The following NBAS variants were observed in gnomAD, a reference collection of about 807,000 sequenced individuals.
NBAS encodes the protein NAG/BC035112 fusion.
NBAS carries 219 observed loss-of-function variants against 302.5 expected under a neutral mutation model. That is an observed-to-expected ratio of 0.72 (90% CI 0.65 to 0.81). The LOEUF (loss-of-function observed/expected upper bound fraction) is 0.81. NBAS is among the 30% of genes least tolerant of loss of function. The pLI, the probability that NBAS is intolerant of heterozygous loss-of-function variation, is 0.00. For missense variants in NBAS, 2,932 were observed against 2,841.6 expected (o/e 1.03, Z -0.72); for synonymous variants, 1,118 against 1,021.6 (o/e 1.09, Z -1.80).
intron 24 of NBAS, 72 bp from the exon 25 acceptor site, chr2:15,415,791 C>T (rs779392961): frequency 9.3e-5 from 143 of 1,532,338 alleles, no homozygotes; most frequent in Non-Finnish European, 1.2e-4. Flanking sequence ...TATCAGACAG[C>T]GAGTTCTAAA....
chr2:15,214,864 G>A (rs1009992495), intron 48 of NBAS, among the ~76,000 whole-genome samples: 1 of 152,176 alleles, frequency 6.6e-6, no homozygotes, highest in Non-Finnish European at 1.5e-5. Context: ...CATTTGTAAT[G>A]AGGTTAGATT....
chr2:15,351,600 C>G (rs1364757907), intron 35 of NBAS, among the ~76,000 whole-genome samples: 1 of 151,862 alleles, frequency 6.6e-6, no homozygotes, highest in African/African-American at 2.4e-5. Context: ...ATTGCTTGAA[C>G]CTGGGAGGTG....
intron 49 of NBAS, among the ~76,000 whole-genome samples, chr2:15,189,722 C>T (rs1312191722): frequency 6.6e-6 from 1 of 152,132 alleles, no homozygotes; most frequent in African/African-American, 2.4e-5. Flanking sequence ...GTGAAGGTAG[C>T]CAGCAGTTGG....
chr2:15,315,377 CAGG>C (rs1671462661), intron 38 of NBAS, among the ~76,000 whole-genome samples: 2 of 152,266 alleles, frequency 1.3e-5, no homozygotes, highest in South Asian at 4.1e-4. Flanking sequence ...CAGGATTGAA[CAGG>C]AGTTCACTGC....
intron 16 of NBAS, among the ~76,000 whole-genome samples, chr2:15,470,362 A>G (rs1191075986): frequency 6.6e-6 from 1 of 152,214 alleles, no homozygotes; most frequent in Non-Finnish European, 1.5e-5. Flanking sequence ...TCCTGAACTC[A>G]AATCAATATA....
At chr2:15,019,805 TAGG>T in the NBAS span, among the ~76,000 whole-genome samples, 7 of 152,108 alleles carry the variant, frequency 4.6e-5, no homozygotes, top group African/African-American at 1.7e-4. Flanking sequence ...CATATGATGA[TAGG>T]AGAAGTCTGC....
At chr2:15,470,095 C>A (rs1234694151) in intron 16 of NBAS, among the ~76,000 whole-genome samples, 1 of 152,078 alleles carries the variant, frequency 6.6e-6, no homozygotes, top group African/African-American at 2.4e-5. Flanking sequence ...TCCCTAGGAT[C>A]CTTTATATAT....
intron 10 of NBAS, among the ~76,000 whole-genome samples, chr2:15,506,986 T>C (rs1001555880): frequency 2.0e-5 from 3 of 152,006 alleles, no homozygotes; most frequent in Admixed American, 2.0e-4. Context: ...AGGAGAGGAA[T>C]TGGAAACAAG....
At chr2:14,895,001 A>G in the NBAS span, among the ~76,000 whole-genome samples, 1 of 152,202 alleles carries the variant, frequency 6.6e-6, no homozygotes, top group Non-Finnish European at 1.5e-5. Flanking sequence ...GGTTGCAGTG[A>G]GCTGAGATCA....
intron 21 of NBAS, among the ~76,000 whole-genome samples, chr2:15,431,211 T>A (rs1677748434): frequency 6.6e-6 from 1 of 152,204 alleles, no homozygotes; most frequent in South Asian, 2.1e-4. Flanking sequence ...ATATAACTAC[T>A]ACATTACTAG....
At chr2:14,944,798 C>A in the NBAS span, among the ~76,000 whole-genome samples, 1 of 151,894 alleles carries the variant, frequency 6.6e-6, no homozygotes, top group Non-Finnish European at 1.5e-5. Flanking sequence ...CAATGTCCCT[C>A]CCCCCATTCT....
At chr2:14,930,948 T>C in the NBAS span, among the ~76,000 whole-genome samples, 1 of 152,352 alleles carries the variant, frequency 6.6e-6, no homozygotes, top group Admixed American at 6.5e-5. Context: ...TCTACCCTTC[T>C]CCAACAAGAG....
chr2:15,151,402 T>C, the NBAS span, among the ~76,000 whole-genome samples: 17 of 152,350 alleles, frequency 1.1e-4, no homozygotes, highest in Non-Finnish European at 2.5e-4. Context: ...AATGCTCCTG[T>C]GGCTTGGCAT....
chr2:15,173,642 C>T (rs562931959), intron 51 of NBAS, among the ~76,000 whole-genome samples: 13 of 152,248 alleles, frequency 8.5e-5, no homozygotes, highest in Admixed American at 3.3e-4. Context: ...AGTTTCACTC[C>T]TGGCATGGCA....
intron 42 of NBAS, among the ~76,000 whole-genome samples, chr2:15,279,208 T>C (rs138555995): frequency 6.6e-6 from 1 of 152,300 alleles, no homozygotes; most frequent in East Asian, 1.9e-4. Flanking sequence ...AACAAATTTG[T>C]ATTTATCATG....
chr2:14,924,883 A>T, the NBAS span, among the ~76,000 whole-genome samples: 1 of 152,060 alleles, frequency 6.6e-6, no homozygotes, highest in African/African-American at 2.4e-5. Context: ...ATGCAAATAC[A>T]CCCTACAAGA....
the NBAS span, among the ~76,000 whole-genome samples, chr2:14,921,136 G>A: frequency 6.6e-6 from 1 of 152,002 alleles, no homozygotes; most frequent in Admixed American, 6.6e-5. Context: ...GTTATTAACT[G>A]GCCTAATTTC....
At chr2:15,055,533 C>T in the NBAS span, among the ~76,000 whole-genome samples, 1 of 152,110 alleles carries the variant, frequency 6.6e-6, no homozygotes. Flanking sequence ...CTGCAGTGTC[C>T]ATATGAGGGG....
the NBAS span, among the ~76,000 whole-genome samples, chr2:14,921,375 T>C: frequency 6.6e-6 from 1 of 152,130 alleles, no homozygotes; most frequent in African/African-American, 2.4e-5. Context: ...GTTTGAAATA[T>C]TGTCAGAATT....
Sources: gnomAD v4.1 joint callset for allele counts (sites outside exome capture counted in the v4.1 genomes callset) on GRCh38, gnomAD v4.1.1 for gene constraint, MANE v1.5 for transcripts, NCBI Gene and HGNC (gene_info 2026-07-23, HGNC 2026-07-21) for gene names.